Variants in TG observed in about 807,000 individuals in gnomAD.
TG encodes the protein thyroglobulin.
In TG, 270 loss-of-function variants were observed where a neutral mutation model predicts 324.7. The ratio of observed to expected loss-of-function variants is 0.83; its 90% CI spans 0.75 to 0.92. The LOEUF is 0.92. Ranked by LOEUF, TG falls within the 40% of genes least tolerant of loss-of-function variation. The pLI is 0.00. For missense variants in TG, 3,591 were observed against 3,456.4 expected (o/e 1.04, Z -0.98); for synonymous variants, 1,401 against 1,327.0 (o/e 1.06, Z -1.21).
chr8:133,049,854 CA>C (rs1162900448), intron 41 of TG: 1 of 1,186,656 alleles, frequency 8.4e-7, no homozygotes, highest in Non-Finnish European at 1.3e-6. Context: ...TATGAGTCAC[CA>C]GCATACGCAT....
At position 133,047,573 on chromosome 8, in the gene TG, A is replaced by T. The variant is rs187851309; in HGVS notation, c.7239+17550A>T. ...AGTTTTGTTCTCAGTTGCTGGAAAA[A>T]TTTCCAGCAGGAGTCATCAGGCCTG... is the stretch of plus-strand genomic sequence containing the variant. On this transcript the variant is annotated intron_variant, in intron 41 of 47. Coordinates refer to ENST00000220616, the MANE Select transcript of TG (RefSeq NM_003235.5). The T allele has an allele frequency of 1.4e-3, 706 of 507,742 alleles. 2 individuals are homozygous for T. The highest frequency in any genetic ancestry group is 4.0e-3 in the Middle Eastern group (8 of 1,984). The allele number at this position is 507,742 out of a possible 1,614,324, so 31.5% of individuals were successfully genotyped here. A position where few individuals can be genotyped will look rare whatever the true frequency, so the allele number is the denominator to read the frequency against.
intron 10 of TG, among the ~76,000 whole-genome samples, chr8:132,892,689 GTA>G (rs1816397694): frequency 2.0e-5 from 3 of 151,742 alleles, no homozygotes. Context: ...GGGTGTTTAT[GTA>G]TGTGTGTGTG....
At chr8:133,022,593 A>G (rs1339980706) in intron 40 of TG, among the ~76,000 whole-genome samples, 1 of 152,166 alleles carries the variant, frequency 6.6e-6, no homozygotes, top group East Asian at 1.9e-4. Flanking sequence ...TCAGGGCTGT[A>G]TCAATAAGGA....
intron 41 of TG, among the ~76,000 whole-genome samples, chr8:133,051,963 A>G (rs1371090374): frequency 1.3e-5 from 2 of 152,230 alleles, no homozygotes; most frequent in Non-Finnish European, 2.9e-5. Flanking sequence ...AAGCAAGCCC[A>G]TTCTTGCTGC....
At chr8:133,102,722 C>A (rs1269904954) in intron 43 of TG, 2 of 687,332 alleles carry the variant, frequency 2.9e-6, no homozygotes, top group African/African-American at 3.6e-5. Flanking sequence ...CTACATTATC[C>A]AGGCATTCAT....
intron 43 of TG, 114 bp downstream of exon 43, chr8:133,096,487 G>A: frequency 1.5e-6 from 2 of 1,295,330 alleles, no homozygotes; most frequent in Non-Finnish European, 2.2e-6. Context: ...ACTACTGTGT[G>A]CAATGCCTAT....
Position 132,917,030 on chromosome 8 carries a change from C to CTT in TG, c.4379-2346_4379-2345insTT, listed in dbSNP as rs1190933633. Among the ~76,000 whole-genome samples, 174 of 79,530 alleles carry CTT rather than the reference C, an allele frequency of 2.2e-3. 1 individual carries two copies. Among genetic ancestry groups the CTT allele is most frequent in the African/African-American group, 6.6e-3 (169 of 25,652 alleles). 52.2% of individuals were successfully genotyped at this position (79,530 alleles called of 152,430 possible). On this transcript the variant is annotated intron_variant, in intron 20 of 47. Coordinates refer to ENST00000220616, the MANE Select transcript of TG (RefSeq NM_003235.5). ...CCCTCCCTTCCTCCCTCCATGCCTC[C>CTT]CTCCCTCCCTCCCTCCTTCCTTCCT...
At chr8:132,941,212 G>A (rs1381740789) in intron 25 of TG, 139 bp from the exon 26 acceptor site, 2 of 1,041,262 alleles carry the variant, frequency 1.9e-6, no homozygotes, top group Non-Finnish European at 2.9e-6. Context: ...GTGGCACAGA[G>A]AGCATCTCAT....
chr8:133,093,062 G>C (rs1192254217), intron 41 of TG, among the ~76,000 whole-genome samples: 3 of 151,972 alleles, frequency 2.0e-5, no homozygotes, highest in Admixed American at 2.0e-4. Context: ...CCCTTCTGCT[G>C]TTTGCTATTC....
Position 132,976,612 on chromosome 8 carries a change from G to C in TG, c.6199+3871G>C, listed in dbSNP as rs1830204629. On this transcript the variant is annotated intron_variant, in intron 34 of 47. Transcript: ENST00000220616. ...TGTGCACTGCCTGCTTGCAGTGTCT[G>C]GGTGCCTGGGGAGAGAAAGAAAAAG... Among the ~76,000 whole-genome samples the C allele has an allele frequency of 2.6e-5, 4 of 152,278 alleles. 1 individual carries two copies. In the South Asian group the frequency reaches 8.3e-4, roughly 32 times the overall value.
intron 41 of TG, among the ~76,000 whole-genome samples, chr8:133,053,301 C>T (rs1332665157): frequency 6.6e-6 from 1 of 152,210 alleles, no homozygotes. Context: ...TCTGTCCCCA[C>T]CCCCGGCTGT....
intron 20 of TG, among the ~76,000 whole-genome samples, chr8:132,914,220 A>G (rs1819960952): frequency 6.6e-6 from 1 of 152,164 alleles, no homozygotes. Flanking sequence ...GAGGACTGGG[A>G]TATGGATATC....
intron 41 of TG, among the ~76,000 whole-genome samples, chr8:133,056,814 G>A (rs1041711222): frequency 9.9e-5 from 15 of 152,196 alleles, no homozygotes; most frequent in African/African-American, 2.7e-4. Flanking sequence ...CTCATCTCTC[G>A]TTGTGTGTCA....
chr8:132,963,107 G>T (rs200763324), intron 29 of TG, 33 bp downstream of exon 29: 22 of 1,601,782 alleles, frequency 1.4e-5, no homozygotes, highest in Non-Finnish European at 9.4e-6. Flanking sequence ...ACACACTTGG[G>T]TGTCTGAATG....
At chr8:133,006,278 A>G (rs1262712116) in intron 35 of TG, among the ~76,000 whole-genome samples, 12 of 152,246 alleles carry the variant, frequency 7.9e-5, no homozygotes, top group Non-Finnish European at 4.4e-5. Context: ...AACCAAAACC[A>G]AAAAGGATAT....
chr8:132,973,873 T>A (rs1587644264), intron 34 of TG, among the ~76,000 whole-genome samples: 1 of 151,874 alleles, frequency 6.6e-6, no homozygotes, highest in African/African-American at 2.4e-5. Context: ...AGTTTCAGAG[T>A]AAATATATGG....
At chr8:132,891,633 C>G (rs1489311609) in intron 10 of TG, among the ~76,000 whole-genome samples, 1 of 152,180 alleles carries the variant, frequency 6.6e-6, no homozygotes, top group African/African-American at 2.4e-5. Context: ...CTGCATCCAG[C>G]TGGGGACAGA....
At chr8:132,985,918 T>C (rs1277255353) in intron 35 of TG, among the ~76,000 whole-genome samples, 1 of 152,174 alleles carries the variant, frequency 6.6e-6, no homozygotes, top group Non-Finnish European at 1.5e-5. Context: ...TGGGTTTAGA[T>C]GCTTATATTC....
intron 45 of TG, among the ~76,000 whole-genome samples, chr8:133,126,137 C>T (rs937985989): frequency 7.2e-5 from 11 of 152,288 alleles, no homozygotes; most frequent in African/African-American, 2.6e-4. Flanking sequence ...CATAAATCTG[C>T]ATCACCTGGC....
Sources: gnomAD v4.1 joint callset for allele counts (sites outside exome capture counted in the v4.1 genomes callset) on GRCh38, gnomAD v4.1.1 for gene constraint, MANE v1.5 for transcripts, NCBI Gene and HGNC (gene_info 2026-07-23, HGNC 2026-07-21) for gene names.